The following TEX29 variants were observed in gnomAD, a reference collection of about 807,000 sequenced individuals.
TEX29 encodes the protein testis-expressed protein 29.
A neutral mutation model predicts 18.2 loss-of-function variants in TEX29; 26 were observed. That is an observed-to-expected ratio of 1.43 (90% CI 1.04 to 1.98). TEX29 has a LOEUF of 1.98. Among genes scored for constraint, TEX29 ranks in the 30% most tolerant of loss-of-function variants. The pLI is 0.00. For synonymous variants in TEX29, 83 were observed against 78.5 expected, an observed-to-expected ratio of 1.06 and a Z score of -0.31; for missense variants, 177 against 194.2, an observed-to-expected ratio of 0.91 and a Z score of 0.53.
intron 2 of TEX29, among the ~76,000 whole-genome samples, chr13:111,323,818 A>T (rs531157470): frequency 2.8e-4 from 43 of 152,204 alleles, no homozygotes; most frequent in African/African-American, 1.0e-3. Flanking sequence ...TGCACACACC[A>T]TGCCAGCTCC....
At chr13:111,336,169 T>C (rs2093689403) in intron 3 of TEX29, among the ~76,000 whole-genome samples, 1 of 152,226 alleles carries the variant, frequency 6.6e-6, no homozygotes, top group African/African-American at 2.4e-5. Flanking sequence ...TTAAGTTCTT[T>C]CCATCATTCT....
At chr13:111,338,554 A>G (rs898156824) in intron 3 of TEX29, among the ~76,000 whole-genome samples, 5 of 152,158 alleles carry the variant, frequency 3.3e-5, no homozygotes, top group Non-Finnish European at 7.4e-5. Flanking sequence ...ATCCAGGGAA[A>G]TTACATCTGA....
chr13:111,342,735 A>G, intron 4 of TEX29, 21 bp from the exon 5 acceptor site: 1 of 1,609,904 alleles, frequency 6.2e-7, no homozygotes, highest in Non-Finnish European at 8.5e-7. Flanking sequence ...CCTGACTGTG[A>G]TAAAACCCTC....
At chr13:111,338,200 A>G (rs1260100085) in intron 3 of TEX29, among the ~76,000 whole-genome samples, 1 of 152,180 alleles carries the variant, frequency 6.6e-6, no homozygotes, top group African/African-American at 2.4e-5. Flanking sequence ...TGTGAATGTG[A>G]CCTAATTTAG....
intron 2 of TEX29, among the ~76,000 whole-genome samples, chr13:111,325,241 C>A (rs1236247084): frequency 6.6e-6 from 1 of 152,352 alleles, no homozygotes; most frequent in South Asian, 2.1e-4. Flanking sequence ...CTGGCCCAGC[C>A]GATGGCTCCT....
intron 3 of TEX29, among the ~76,000 whole-genome samples, chr13:111,339,592 T>G (rs914859168): frequency 1.3e-5 from 2 of 151,788 alleles, no homozygotes; most frequent in African/African-American, 4.8e-5. Context: ...CTCCCGGGGG[T>G]CAGGGTGGTC....
rs530613291 is a variant in TEX29 at position 111,320,758 on chromosome 13, C to T, written c.-39C>T. ...GAGGGGACCCGCCTGGGATGTGAGG[C>T]GCAGGTGAGTCGATGAACGCCCCCT... On this transcript the variant is annotated 5_prime_UTR_variant, in exon 1 of 6. Coordinates refer to ENST00000283547, the MANE Select transcript of TEX29 (RefSeq NM_152324.3). The T allele has an allele frequency of 3.7e-5, 39 of 1,059,736 alleles. No homozygotes were observed. Among genetic ancestry groups the T allele is most frequent in the Middle Eastern group, 4.3e-4 (2 of 4,674 alleles). 65.6% of individuals were successfully genotyped at this position (1,059,736 alleles called of 1,614,324 possible). A position where few individuals can be genotyped will look rare whatever the true frequency, so the allele number is the denominator to read the frequency against.
At chr13:111,322,454 G>T (rs752688354) in intron 2 of TEX29, among the ~76,000 whole-genome samples, 1 of 152,264 alleles carries the variant, frequency 6.6e-6, no homozygotes, top group East Asian at 1.9e-4. Context: ...AAGCAGTGCA[G>T]CTGTTGTGTG....
chr13:111,320,677 T>A lies in TEX29; in HGVS notation c.-120T>A. The A allele has an allele frequency of 1.6e-6, 1 of 612,156 alleles. No homozygotes were observed. 37.9% of individuals were successfully genotyped at this position (612,156 alleles called of 1,614,324 possible). On this transcript the variant is annotated 5_prime_UTR_variant, in exon 1 of 6. Coordinates refer to ENST00000283547, the MANE Select transcript of TEX29 (RefSeq NM_152324.3). Reference sequence around the variant, plus strand: ...GCAGACAGAGGGGTGGCCAGTTTGTTGTTTTACCTAAAAGGTGTTTTCCAC... The same window carrying A: ...GCAGACAGAGGGGTGGCCAGTTTGTAGTTTTACCTAAAAGGTGTTTTCCAC...
intron 3 of TEX29, among the ~76,000 whole-genome samples, chr13:111,331,778 A>G (rs756905062): frequency 1.3e-5 from 2 of 152,128 alleles, no homozygotes; most frequent in Admixed American, 6.6e-5. Flanking sequence ...TTGCATATGG[A>G]TATTCAGTTG....
chr13:111,343,961 C>T lies in TEX29; in HGVS notation c.416-122C>T. 2.4e-6 allele frequency: 2 copies of T among 820,552 alleles called. 1 individual carries two copies. The highest frequency in any genetic ancestry group is 4.1e-6 in the Non-Finnish European group (2 of 488,158). The allele number at this position is 820,552 out of a possible 1,614,324, so 50.8% of individuals were successfully genotyped here. A position where few individuals can be genotyped will look rare whatever the true frequency, so the allele number is the denominator to read the frequency against. Reference sequence around the variant, plus strand: ...AGGATACGGCCATCCCCAAAACTGGCTTTTGAATCAATCATTGCCAATCAG... The same window carrying T: ...AGGATACGGCCATCCCCAAAACTGGTTTTTGAATCAATCATTGCCAATCAG... On this transcript the variant is annotated intron_variant, in intron 5 of 5. Transcript: ENST00000283547.
rs114872122 is a variant in TEX29, at chr13:111,344,166, T to A, written c.*43T>A. ...GTGGAGATTGTCAGAATTATCCAAATGAAATGGTACAGCAGGTGCACTGTT... is the reference window on the plus strand; with the variant it reads ...GTGGAGATTGTCAGAATTATCCAAAAGAAATGGTACAGCAGGTGCACTGTT... On this transcript the variant is annotated 3_prime_UTR_variant, in exon 6 of 6. Transcript: ENST00000283547. The A allele has an allele frequency of 1.3e-5, 20 of 1,557,270 alleles. No individual in the cohort carries two copies. The African/African-American group carries it at 2.6e-4, about 20-fold the overall frequency.
chr13:111,325,486 G>A (rs1488361315), intron 2 of TEX29, among the ~76,000 whole-genome samples: 2 of 152,264 alleles, frequency 1.3e-5, no homozygotes, highest in African/African-American at 2.4e-5. Flanking sequence ...CCCCCACCAT[G>A]TGGGAAGCCC....
intron 4 of TEX29, among the ~76,000 whole-genome samples, chr13:111,341,946 A>G (rs1349130707): frequency 6.6e-6 from 1 of 152,210 alleles, no homozygotes; most frequent in African/African-American, 2.4e-5. Flanking sequence ...TCAGGCTCCC[A>G]GTTGTCTCAG....
chr13:111,330,525 C>T (rs77181399), intron 3 of TEX29, among the ~76,000 whole-genome samples: 11,711 of 152,272 alleles, frequency 0.077, 506 homozygotes, highest in South Asian at 0.18. Context: ...CAGGATCTCA[C>T]GCCTTCCTCT....
At chr13:111,326,851 C>T (rs1323035214) in intron 2 of TEX29, among the ~76,000 whole-genome samples, 2 of 152,134 alleles carry the variant, frequency 1.3e-5, no homozygotes, top group Non-Finnish European at 2.9e-5. Flanking sequence ...GCTGTGTCCA[C>T]CCTGGAATTG....
In TEX29 at chr13:111,328,686, C is replaced by T. The variant is rs371617441; in HGVS notation, c.169+393C>T. On this transcript the variant is annotated intron_variant, in intron 3 of 5. Coordinates refer to ENST00000283547, the MANE Select transcript of TEX29 (RefSeq NM_152324.3). ...CCAGTGGCCGGGTGTGGGGTGAGCC[C>T]ATCAGGGTGGAGCGGACCTTGTCCA... Among the ~76,000 whole-genome samples the T allele has an allele frequency of 3.0e-4, 45 of 152,288 alleles. No homozygotes were observed. The East Asian group carries it at 5.6e-3, about 19-fold the overall frequency.
intron 3 of TEX29, among the ~76,000 whole-genome samples, 171 bp downstream of exon 3, chr13:111,328,464 G>A (rs1162404809): frequency 3.9e-5 from 6 of 152,202 alleles, no homozygotes; most frequent in Admixed American, 1.3e-4. Context: ...TAGACTTGGA[G>A]TGGGGTTTGG....
At chr13:111,339,134 G>A (rs2093693598) in intron 3 of TEX29, among the ~76,000 whole-genome samples, 1 of 152,196 alleles carries the variant, frequency 6.6e-6, no homozygotes, top group Non-Finnish European at 1.5e-5. Context: ...ACCCAGGGTG[G>A]CGGGGCTGCC....
Sources: gnomAD v4.1 joint callset for allele counts (sites outside exome capture counted in the v4.1 genomes callset) on GRCh38, gnomAD v4.1.1 for gene constraint, MANE v1.5 for transcripts, NCBI Gene and HGNC (gene_info 2026-07-23, HGNC 2026-07-21) for gene names.